TRMT2B: variants seen among roughly 807,000 people sequenced by gnomAD.
TRMT2B encodes tRNA (uracil-5-)-methyltransferase homolog B.
A neutral mutation model predicts 39.7 loss-of-function variants in TRMT2B; 34 were observed. The observed-to-expected ratio is 0.86, with a 90% CI of 0.65 to 1.14. The LOEUF (loss-of-function observed/expected upper bound fraction) is 1.14. Ranked by LOEUF, TRMT2B falls within the 50% of genes most tolerant of loss-of-function variation. The probability of loss-of-function intolerance (pLI) is 0.00; values close to 1 mark genes in which losing one functional copy is unlikely to be tolerated. For missense variants in TRMT2B, 318 were observed against 377.2 expected, an observed-to-expected ratio of 0.84 and a Z score of 1.30; for synonymous variants, 132 against 137.3, an observed-to-expected ratio of 0.96 and a Z score of 0.27.
intron 8 of TRMT2B, among the ~76,000 whole-genome samples, chrX:101,022,649 T>C (rs940584221): frequency 2.8e-5 from 3 of 107,485 alleles, no homozygotes. Flanking sequence ...TCAAAAAAAT[T>C]AGCCAGGTGT....
At chrX:100,974,440 T>C in the TRMT2B span, among the ~76,000 whole-genome samples, 1 of 109,857 alleles carries the variant, frequency 9.1e-6, no homozygotes, top group African/African-American at 3.3e-5. Context: ...ATGTAATGTC[T>C]GTCACCTGCT....
Position 101,019,068 on chromosome X carries a change from A to G in TRMT2B, c.1291T>C (p.Tyr431His). Residue 431 changes from tyrosine (Y) to histidine (H), a missense_variant and splice_region_variant, in exon 13 of 14, where the codon TAC (tyrosine) becomes CAC (histidine). Physicochemically the swap from Tyr to His is moderately conservative, Grantham distance 83. Transcript: ENST00000372936. ...VVNPARAGLHYKVIQAIRNFR... is the reference protein window; with the variant it reads ...VVNPARAGLHHKVIQAIRNFR... ...TTTCGAATGGCTTGAATCACCTTGT[A>G]ATCTGAAGGAAGAAACACCTTGCTA... The G allele has an allele frequency of 8.4e-7, 1 of 1,185,681 alleles. No homozygotes were observed. The highest frequency in any genetic ancestry group is 1.7e-5 in the African/African-American group (1 of 57,252).
At position 101,037,046 on chromosome X, in the gene TRMT2B, A is replaced by T; in HGVS notation, c.466T>A (p.Ser156Thr). 8.3e-7 allele frequency: 1 copy of T among 1,211,139 alleles called. No individual in the cohort carries two copies. Among genetic ancestry groups the T allele is most frequent in the Middle Eastern group, 2.3e-4 (1 of 4,353 alleles). ...SPVINGYRNK[S>T]TFSVNRGPDG... ...GGACCTCGGTTCACAGAGAAGGTGG[A>T]CTTATTTCGGTAACCATTGATGACA... Residue 156 changes from serine to threonine, a missense_variant, in exon 6 of 14, where the codon TCC becomes ACC. By Grantham distance (58) the Ser-to-Thr change is moderately conservative. Coordinates refer to ENST00000372936, the MANE Select transcript of TRMT2B (RefSeq NM_024917.6).
chrX:101,025,492 T>G (rs2087020102), intron 7 of TRMT2B, among the ~76,000 whole-genome samples: 1 of 111,611 alleles, frequency 9.0e-6, no homozygotes, highest in Non-Finnish European at 1.9e-5. Flanking sequence ...CACTGGGTTC[T>G]CAAACAAACC....
downstream of TRMT2B, among the ~76,000 whole-genome samples, chrX:101,006,487 T>C (rs2086103638): frequency 9.1e-6 from 1 of 110,440 alleles, no homozygotes; most frequent in South Asian, 3.9e-4. Context: ...GTATACCTTA[T>C]ACAGACAGAT....
chrX:101,004,263 AAACAACAACAAC>A, the TRMT2B span, among the ~76,000 whole-genome samples: 2 of 105,709 alleles, frequency 1.9e-5, no homozygotes, highest in South Asian at 4.1e-4. Context: ...GTTTTTGGGA[AAACAACAACAAC>A]AACAACAACA....
the TRMT2B span, among the ~76,000 whole-genome samples, chrX:100,984,295 T>G: frequency 9.1e-6 from 1 of 109,828 alleles, no homozygotes; most frequent in South Asian, 3.9e-4. Flanking sequence ...TTTTTTGTTT[T>G]TTTTTTTCTT....
chrX:100,990,204 TG>T, the TRMT2B span: 1 of 269,417 alleles, frequency 3.7e-6, no homozygotes, highest in Non-Finnish European at 5.2e-6. Flanking sequence ...GGGCACCTCA[TG>T]GGGTGCAGTC....
chrX:101,036,676 T>C (rs779470021), intron 6 of TRMT2B, among the ~76,000 whole-genome samples: 14 of 111,069 alleles, frequency 1.3e-4, no homozygotes, highest in African/African-American at 4.6e-4. Flanking sequence ...AAAATGATGA[T>C]GACAACAATG....
the TRMT2B span, chrX:100,986,668 A>G: frequency 6.8e-6 from 3 of 440,181 alleles, no homozygotes; most frequent in Admixed American, 8.6e-5. Context: ...CTTTAAACCT[A>G]ATTCCTGGAT....
chrX:100,987,602 G>A, the TRMT2B span: 2 of 1,181,643 alleles, frequency 1.7e-6, no homozygotes, highest in Non-Finnish European at 2.3e-6. Flanking sequence ...AAAGCTGCAG[G>A]GATCAGTCTT....
rs147444257 is a variant in TRMT2B, at chrX:101,042,096, T to A, written c.194A>T (p.Lys65Ile). The A allele has an allele frequency of 1.7e-6, 2 of 1,210,812 alleles. No individual in the cohort carries two copies. The highest frequency in any genetic ancestry group is 3.5e-5 in the African/African-American group (2 of 57,439). Residue 65 changes from lysine to isoleucine, a missense_variant, in exon 3 of 14, where the codon AAA becomes ATA. Transcript: ENST00000372936. ...VIATKCQKGQ[K>I]SQKKPSHLGP... ...AAGATGGCTTGGTTTCTTCTGACTT[T>A]TTTGTCCTTTCTGACATTTCGTGGC... is the stretch of plus-strand genomic sequence containing the variant.
chrX:101,037,557 T>G, intron 5 of TRMT2B: 1 of 165,585 alleles, frequency 6.0e-6, no homozygotes, highest in Non-Finnish European at 1.1e-5. Flanking sequence ...CATGGGCAAA[T>G]TGTGTGGGGA....
chrX:101,045,040 AG>A (rs1309619935), intron 2 of TRMT2B, among the ~76,000 whole-genome samples: 27 of 90,751 alleles, frequency 3.0e-4, no homozygotes, highest in Non-Finnish European at 5.0e-4. Context: ...CAAAAAAAAA[AG>A]GGGGGGGTGG....
the TRMT2B span, among the ~76,000 whole-genome samples, chrX:100,975,952 T>TA: frequency 1.8e-5 from 2 of 111,375 alleles, no homozygotes; most frequent in South Asian, 3.8e-4. Context: ...CCATTTTCTA[T>TA]AACAACTTCC....
In TRMT2B at chrX:101,035,810, T is replaced by G. The variant is rs922368196; in HGVS notation, c.539-127A>C. 2.0e-5 allele frequency: 10 copies of G among 508,303 alleles called. No individual in the cohort carries two copies. The African/African-American group carries it at 2.4e-4, about 12-fold the overall frequency. The allele number at this position is 508,303 out of a possible 1,213,427, so 41.9% of individuals were successfully genotyped here. A position where few individuals can be genotyped will look rare whatever the true frequency, so the allele number is the denominator to read the frequency against. ...ATATGAAGAAGCAAATACAATCTCA[T>G]GGCCACTTTTCAGAGAAAACCTAAT... On this transcript the variant is annotated intron_variant, in intron 6 of 13. Coordinates refer to ENST00000372936, the MANE Select transcript of TRMT2B (RefSeq NM_024917.6).
the TRMT2B span, among the ~76,000 whole-genome samples, chrX:100,999,878 T>G: frequency 5.4e-3 from 603 of 111,825 alleles, 6 homozygotes; most frequent in African/African-American, 0.018. Context: ...ACTAGGAAGT[T>G]TTGTAAAAAG....
chrX:101,036,901 T>C, intron 6 of TRMT2B, 73 bp downstream of exon 6: 1 of 821,123 alleles, frequency 1.2e-6, no homozygotes, highest in Non-Finnish European at 1.8e-6. Context: ...CACCGTATTT[T>C]CCACTTCTAC....
intron 13 of TRMT2B, among the ~76,000 whole-genome samples, chrX:101,011,734 A>C (rs2086262330): frequency 9.0e-6 from 1 of 110,587 alleles, no homozygotes; most frequent in Non-Finnish European, 1.9e-5. Flanking sequence ...TCTCTACAAA[A>C]AACACAAAAA....
Sources: allele counts gnomAD v4.1 joint callset (sites outside exome capture counted in the v4.1 genomes callset), GRCh38; gene constraint gnomAD v4.1.1; transcripts MANE v1.5; gene names NCBI Gene and HGNC (gene_info 2026-07-23, HGNC 2026-07-21).